INTU: variants seen among roughly 807,000 people sequenced by gnomAD.
INTU encodes protein inturned.
INTU carries 68 observed loss-of-function variants against 100.5 expected under a neutral mutation model. That is an observed-to-expected ratio of 0.68 (90% CI 0.56 to 0.83). INTU has a LOEUF of 0.83. INTU is among the 40% of genes least tolerant of loss of function. The probability of loss-of-function intolerance (pLI) is 0.00; values close to 1 mark genes in which losing one functional copy is unlikely to be tolerated. For synonymous variants in INTU, 357 were observed against 395.7 expected, an observed-to-expected ratio of 0.90 and a Z score of 1.16; for missense variants, 1,071 against 1,114.7, an observed-to-expected ratio of 0.96 and a Z score of 0.56.
chr4:127,633,362 A>G (rs1193958242), intron 1 of INTU, among the ~76,000 whole-genome samples, 182 bp downstream of exon 1: 2 of 152,132 alleles, frequency 1.3e-5, no homozygotes, highest in African/African-American at 4.8e-5. Flanking sequence ...TGACGATGCC[A>G]TTCTTTGCTA....
At chr4:127,640,444 T>A (rs1315807044) in intron 1 of INTU, among the ~76,000 whole-genome samples, 1 of 150,454 alleles carries the variant, frequency 6.6e-6, no homozygotes, top group East Asian at 1.9e-4. Flanking sequence ...CTTTCTCTTC[T>A]TAAAATGATG....
At position 127,684,455 on chromosome 4, in the gene INTU, A is replaced by T. The variant is rs767346560; in HGVS notation, c.1228A>T (p.Thr410Ser). 95 of 1,601,776 alleles carry T rather than the reference A, an allele frequency of 5.9e-5. No individual in the cohort carries two copies. The highest frequency in any genetic ancestry group is 5.3e-5 in the Non-Finnish European group (62 of 1,173,966). The change falls in exon 7 of 16, where the codon ACC becomes TCC. Residue 410 changes from threonine to serine, a missense_variant. By Grantham distance (58) the Thr-to-Ser change is moderately conservative. Coordinates refer to ENST00000335251, the MANE Select transcript of INTU (RefSeq NM_015693.4). ...LRNMIENVIQ[T>S]LKFMYGSLDS... ...GAACATGATAGAAAATGTCATCCAA[A>T]CCTTAAAATTTATGTATGGTTCTTT...
chr4:127,688,135 T>C (rs1729917385), intron 8 of INTU, among the ~76,000 whole-genome samples: 1 of 152,088 alleles, frequency 6.6e-6, no homozygotes, highest in Non-Finnish European at 1.5e-5. Context: ...TTAAATGGTG[T>C]GTCTTACTTT....
chr4:127,711,167 A>C, intron 14 of INTU, 65 bp downstream of exon 14: 1 of 1,204,136 alleles, frequency 8.3e-7, no homozygotes, highest in South Asian at 2.1e-5. Context: ...GCATTCTGTT[A>C]TCTAATCAAT....
chr4:127,676,095 TA>T (rs1055182422), intron 6 of INTU: 2 of 170,786 alleles, frequency 1.2e-5, no homozygotes, highest in African/African-American at 4.7e-5. Context: ...GAAAGAAATA[TA>T]ATCCACCATA....
rs548768567 is a variant in INTU at position 127,634,339 on chromosome 4, T to C, written c.146+1159T>C. On this transcript the variant is annotated intron_variant, in intron 1 of 15. Transcript: ENST00000335251. ...TCTTGGTATGTGAAGCCATAGACAGTGTAAGACTCAAACTCTTGGCTTCTC... is the reference window on the plus strand; with the variant it reads ...TCTTGGTATGTGAAGCCATAGACAGCGTAAGACTCAAACTCTTGGCTTCTC... Among the ~76,000 whole-genome samples, 77 of 152,354 alleles carry C rather than the reference T, an allele frequency of 5.1e-4. No individual in the cohort carries two copies. In the Middle Eastern group the frequency reaches 0.01, roughly 20 times the overall value.
chr4:127,638,180 C>T (rs918826575), intron 1 of INTU, among the ~76,000 whole-genome samples: 2 of 152,090 alleles, frequency 1.3e-5, no homozygotes, highest in Non-Finnish European at 2.9e-5. Context: ...GAATAAGTGC[C>T]GGATAGAATC....
At chr4:127,678,041 A>C (rs1729316940) in intron 6 of INTU, among the ~76,000 whole-genome samples, 1 of 152,188 alleles carries the variant, frequency 6.6e-6, no homozygotes, top group Admixed American at 6.5e-5. Context: ...CAAGAAGGGA[A>C]GTTTAGAGAA....
intron 2 of INTU, among the ~76,000 whole-genome samples, chr4:127,650,354 C>A: frequency 6.9e-6 from 1 of 145,664 alleles, no homozygotes; most frequent in African/African-American, 2.6e-5. Flanking sequence ...GGTATATCTC[C>A]CAATGCTATC....
chr4:127,663,405 T>C lies in INTU; in HGVS notation c.793T>C (p.Tyr265His). Reference protein sequence around the residue: ...MQVKLTFENAYDVKRETSHPR... With the variant: ...MQVKLTFENAHDVKRETSHPR... ...GGTGAAACTGACATTTGAAAATGCA[T>C]ATGATGTGAAAAGGGAGACGTCCCA... The change falls in exon 4 of 16, where the codon TAT becomes CAT. Residue 265 changes from tyrosine to histidine, a missense_variant. By Grantham distance (83) the Tyr-to-His change is moderately conservative. Transcript: ENST00000335251. 1 of 1,612,892 alleles carries C rather than the reference T, an allele frequency of 6.2e-7. No individual in the cohort carries two copies. The highest frequency in any genetic ancestry group is 8.5e-7 in the Non-Finnish European group (1 of 1,179,208).
chr4:127,651,950 G>A (rs1168346821), intron 2 of INTU, among the ~76,000 whole-genome samples: 3 of 150,670 alleles, frequency 2.0e-5, no homozygotes, highest in Admixed American at 6.6e-5. Flanking sequence ...TTGTAAGTTG[G>A]ATCCCTAGGT....
At position 127,706,485 on chromosome 4, in the gene INTU, A is replaced by G; in HGVS notation, c.1789-2A>G. On this transcript the variant is annotated splice_acceptor_variant, in intron 11 of 15. Coordinates refer to ENST00000335251, the MANE Select transcript of INTU (RefSeq NM_015693.4). LOFTEE classifies it high-confidence loss of function. ...CTACATTTGTAATTTTTTTCCCTAT[A>G]GAAACATTATATGCTATGTGTACTA... 1.9e-6 allele frequency: 3 copies of G among 1,589,576 alleles called. No individual in the cohort carries two copies. Among genetic ancestry groups the G allele is most frequent in the Non-Finnish European group, 2.6e-6 (3 of 1,167,476 alleles).
At chr4:127,681,043 A>C (rs1179145674) in intron 6 of INTU, among the ~76,000 whole-genome samples, 1 of 151,632 alleles carries the variant, frequency 6.6e-6, no homozygotes, top group South Asian at 2.1e-4. Context: ...TCCAACTTAC[A>C]AGGGATGTGA....
intron 15 of INTU, among the ~76,000 whole-genome samples, chr4:127,715,630 A>G (rs951612107): frequency 3.9e-5 from 6 of 152,306 alleles, no homozygotes; most frequent in South Asian, 4.1e-4. Flanking sequence ...GGGAGCGCCA[A>G]TGGAATGATG....
intron 4 of INTU, among the ~76,000 whole-genome samples, chr4:127,665,377 C>A (rs1728651970): frequency 6.6e-6 from 1 of 151,794 alleles, no homozygotes; most frequent in South Asian, 2.1e-4. Flanking sequence ...CATCCTCTTA[C>A]ATCGGAAACT....
In INTU at chr4:127,704,069, A is replaced by G. The variant is rs544955267; in HGVS notation, c.1504-159A>G. Among the ~76,000 whole-genome samples, 10 of 152,306 alleles carry G rather than the reference A, an allele frequency of 6.6e-5. No individual in the cohort carries two copies. In the East Asian group the frequency reaches 1.7e-3, roughly 26 times the overall value. On this transcript the variant is annotated intron_variant, in intron 9 of 15. Transcript: ENST00000335251. ...AGTGAAGTAAACGTATGCATATTGTATTTCATCCTAATATTCTGGTATATT... is the reference window on the plus strand; with the variant it reads ...AGTGAAGTAAACGTATGCATATTGTGTTTCATCCTAATATTCTGGTATATT...
intron 1 of INTU, among the ~76,000 whole-genome samples, chr4:127,642,166 T>C (rs1727364021): frequency 6.6e-6 from 1 of 152,224 alleles, no homozygotes; most frequent in Admixed American, 6.5e-5. Flanking sequence ...AGAGTAGAAC[T>C]GCATAGTTAT....
chr4:127,687,166 A>G (rs1729865272), intron 7 of INTU: 1 of 152,234 alleles, frequency 6.6e-6, no homozygotes, highest in Admixed American at 6.5e-5. Context: ...TGTGAGCTAG[A>G]TTGTATTAAC....
intron 6 of INTU, among the ~76,000 whole-genome samples, chr4:127,680,832 T>A (rs1560858215): frequency 6.6e-6 from 1 of 151,898 alleles, no homozygotes; most frequent in Non-Finnish European, 1.5e-5. Flanking sequence ...GCAGATGACA[T>A]AATTGTATAT....
Sources: allele counts gnomAD v4.1 joint callset (sites outside exome capture counted in the v4.1 genomes callset), GRCh38; gene constraint gnomAD v4.1.1; transcripts MANE v1.5; gene names NCBI Gene and HGNC (gene_info 2026-07-23, HGNC 2026-07-21).